Variants in ARHGAP15 observed in about 807,000 individuals in gnomAD.
ARHGAP15 encodes the protein Rho GTPase activating protein 15, also known as rho GTPase-activating protein 15.
A neutral mutation model predicts 63.7 loss-of-function variants in ARHGAP15; 51 were observed. The ratio of observed to expected loss-of-function variants is 0.80; its 90% CI spans 0.64 to 1.01. The LOEUF (loss-of-function observed/expected upper bound fraction) is 1.01. Ranked by LOEUF, ARHGAP15 falls within the 50% of genes least tolerant of loss-of-function variation. The pLI is 0.00. For synonymous variants in ARHGAP15, 191 were observed against 193.8 expected, an observed-to-expected ratio of 0.99 and a Z score of 0.12; for missense variants, 560 against 564.6, an observed-to-expected ratio of 0.99 and a Z score of 0.08.
Position 143,364,968 on chromosome 2 carries a change from T to C in ARHGAP15, c.475-70633T>C, listed in dbSNP as rs181814469. Among the ~76,000 whole-genome samples, 463 of 152,232 alleles carry C rather than the reference T, an allele frequency of 3.0e-3. 1 individual carries two copies. Among genetic ancestry groups the C allele is most frequent in the African/African-American group, 0.011 (446 of 41,548 alleles). On this transcript the variant is annotated intron_variant, in intron 6 of 13. Transcript: ENST00000295095. Reference sequence around the variant, plus strand: ...TTGCAGTGAGCAAAGACTGGGCCGCTGCACTCCAGCCTTGGCAACAGAGCG... The same window carrying C: ...TTGCAGTGAGCAAAGACTGGGCCGCCGCACTCCAGCCTTGGCAACAGAGCG...
At chr2:143,421,910 A>G (rs940766662) in intron 6 of ARHGAP15, among the ~76,000 whole-genome samples, 1 of 152,050 alleles carries the variant, frequency 6.6e-6, no homozygotes, top group East Asian at 1.9e-4. Context: ...GGGGGGAGAG[A>G]GAGCAAGAAA....
At chr2:143,252,988 A>G (rs577008553) in intron 6 of ARHGAP15, among the ~76,000 whole-genome samples, 33 of 152,212 alleles carry the variant, frequency 2.2e-4, no homozygotes, top group Middle Eastern at 3.4e-3. Context: ...TACCTGCAGA[A>G]TAATGAAGTG....
At chr2:143,133,881 A>G (rs354717) in intron 1 of ARHGAP15, among the ~76,000 whole-genome samples, 78,061 of 151,954 alleles carry the variant, frequency 0.51, 21,629 homozygotes, top group Non-Finnish European at 0.62. Flanking sequence ...TGTATATAAC[A>G]TAACTGCACG....
rs1433218413 is a variant in ARHGAP15, at chr2:143,407,541, C to A, written c.475-28060C>A. On this transcript the variant is annotated intron_variant, in intron 6 of 13. Coordinates refer to ENST00000295095, the MANE Select transcript of ARHGAP15 (RefSeq NM_018460.4). ...GAAATGAAAACAACAGCAACAACAA[C>A]AAACCAAATACCCTGGGATGTTCTT... 1.1e-4 allele frequency among the ~76,000 whole-genome samples: 16 copies of A among 151,732 alleles called. 1 individual carries two copies. The highest frequency in any genetic ancestry group is 1.6e-4 in the Non-Finnish European group (11 of 67,774).
At chr2:143,714,175 G>T (rs1684707182) in intron 13 of ARHGAP15, among the ~76,000 whole-genome samples, 1 of 152,238 alleles carries the variant, frequency 6.6e-6, no homozygotes, top group Admixed American at 6.5e-5. Flanking sequence ...CTAGGCAGAG[G>T]TTCCCAAACC....
intron 6 of ARHGAP15, among the ~76,000 whole-genome samples, chr2:143,324,909 G>A (rs1002878629): frequency 9.2e-5 from 14 of 152,032 alleles, no homozygotes; most frequent in African/African-American, 3.1e-4. Flanking sequence ...GTTTCTATGC[G>A]ACATTAAAAT....
chr2:143,355,156 A>G (rs1391605945), intron 6 of ARHGAP15, among the ~76,000 whole-genome samples: 1 of 152,208 alleles, frequency 6.6e-6, no homozygotes, highest in Non-Finnish European at 1.5e-5. Flanking sequence ...GAAGCTGTGT[A>G]AAAATATTTA....
intron 13 of ARHGAP15, among the ~76,000 whole-genome samples, chr2:143,714,814 GAC>G (rs563646041): frequency 1.6e-4 from 25 of 152,120 alleles, no homozygotes; most frequent in Admixed American, 3.9e-4. Flanking sequence ...CTCCATCTGA[GAC>G]CACCTCAGCC....
chr2:143,751,221 C>T (rs1270502930), intron 13 of ARHGAP15, among the ~76,000 whole-genome samples: 1 of 152,210 alleles, frequency 6.6e-6, no homozygotes, highest in African/African-American at 2.4e-5. Context: ...TCACAGTTGT[C>T]TCCGGGAGGA....
chr2:143,403,023 C>T (rs1307061373), intron 6 of ARHGAP15, among the ~76,000 whole-genome samples: 1 of 151,560 alleles, frequency 6.6e-6, no homozygotes, highest in African/African-American at 2.4e-5. Flanking sequence ...TCAAGTAAAA[C>T]CTTTAAAAGT....
chr2:143,747,714 A>C (rs1380585558), intron 13 of ARHGAP15, among the ~76,000 whole-genome samples: 1 of 152,120 alleles, frequency 6.6e-6, no homozygotes, highest in Non-Finnish European at 1.5e-5. Context: ...TTGATAGCTT[A>C]TTTCTTTTTA....
chr2:143,716,592 C>T (rs1375808157), intron 13 of ARHGAP15, among the ~76,000 whole-genome samples: 1 of 152,142 alleles, frequency 6.6e-6, no homozygotes, highest in African/African-American at 2.4e-5. Flanking sequence ...AAAGCTTGCC[C>T]TCTGCTTTTA....
At chr2:143,332,084 C>T (rs1371150233) in intron 6 of ARHGAP15, among the ~76,000 whole-genome samples, 2 of 152,124 alleles carry the variant, frequency 1.3e-5, no homozygotes, top group African/African-American at 4.8e-5. Context: ...ATCTCTCTTT[C>T]GGTCAACCTA....
At chr2:143,235,668 G>C (rs1278348304) in intron 5 of ARHGAP15, among the ~76,000 whole-genome samples, 1 of 152,224 alleles carries the variant, frequency 6.6e-6, no homozygotes, top group Non-Finnish European at 1.5e-5. Context: ...CAAAGCAAGA[G>C]AGGATGCTCC....
intron 6 of ARHGAP15, among the ~76,000 whole-genome samples, chr2:143,312,856 C>T (rs1389586106): frequency 6.6e-6 from 1 of 152,104 alleles, no homozygotes; most frequent in Non-Finnish European, 1.5e-5. Flanking sequence ...CAACTATATA[C>T]AAATACATTT....
At chr2:143,741,944 A>C (rs1052041585) in intron 13 of ARHGAP15, among the ~76,000 whole-genome samples, 4 of 152,240 alleles carry the variant, frequency 2.6e-5, no homozygotes, top group Non-Finnish European at 4.4e-5. Context: ...AAAGGAAGGG[A>C]AGAAAAAACA....
intron 6 of ARHGAP15, among the ~76,000 whole-genome samples, chr2:143,408,377 T>C (rs574747200): frequency 6.6e-6 from 1 of 151,578 alleles, no homozygotes; most frequent in Non-Finnish European, 1.5e-5. Flanking sequence ...CTTCTTTTCC[T>C]TCCTCACTGA....
At chr2:143,239,804 A>C (rs1456465487) in intron 5 of ARHGAP15, among the ~76,000 whole-genome samples, 1 of 152,014 alleles carries the variant, frequency 6.6e-6, no homozygotes, top group Non-Finnish European at 1.5e-5. Context: ...TAGCCTGTCC[A>C]ACATGGAGAA....
At chr2:143,524,996 G>GAGT (rs1694204428) in intron 10 of ARHGAP15, among the ~76,000 whole-genome samples, 1 of 152,050 alleles carries the variant, frequency 6.6e-6, no homozygotes, top group Admixed American at 6.6e-5. Context: ...AGATCCTACC[G>GAGT]AGTGCTTACT....
Sources: gnomAD v4.1 joint callset for allele counts (sites outside exome capture counted in the v4.1 genomes callset) on GRCh38, gnomAD v4.1.1 for gene constraint, MANE v1.5 for transcripts, NCBI Gene and HGNC (gene_info 2026-07-23, HGNC 2026-07-21) for gene names.